The following PML variants were observed in gnomAD, a reference collection of about 807,000 sequenced individuals.
The protein encoded by PML is PML nuclear body scaffold, also known as protein PML.
In PML, 28 loss-of-function variants were observed where a neutral mutation model predicts 65.2. The observed-to-expected ratio is 0.43, with a 90% CI of 0.32 to 0.59. PML has a LOEUF of 0.59. PML is among the 20% of genes least tolerant of loss of function. PML has a pLI of 0.08. For synonymous variants in PML, 500 were observed against 508.8 expected (o/e 0.98, Z 0.23); for missense variants, 1,021 against 1,203.4 (o/e 0.85, Z 2.24).
At chr15:73,996,070 A>G (rs1202488196) in intron 1 of PML, among the ~76,000 whole-genome samples, 2 of 152,210 alleles carry the variant, frequency 1.3e-5, no homozygotes, top group Non-Finnish European at 2.9e-5. Context: ...TATTTTACAA[A>G]ATGTGGTAAA....
intron 2 of PML, among the ~76,000 whole-genome samples, chr15:74,018,613 A>G (rs1234185235): frequency 6.6e-6 from 1 of 152,144 alleles, no homozygotes; most frequent in African/African-American, 2.4e-5. Flanking sequence ...CCTCCCTAGT[A>G]GCTGGGACTA....
chr15:74,002,771 C>G (rs1214228647), intron 2 of PML, among the ~76,000 whole-genome samples: 1 of 152,052 alleles, frequency 6.6e-6, no homozygotes, highest in African/African-American at 2.4e-5. Flanking sequence ...TCTACCTTTC[C>G]TTCCATTCTG....
At chr15:74,026,840 T>C (rs2071099989) in intron 4 of PML, 1 of 152,018 alleles carries the variant, frequency 6.6e-6, no homozygotes, top group Non-Finnish European at 1.5e-5. Flanking sequence ...TTAGGAGAGA[T>C]GGGGTTTTGC....
At chr15:74,036,226 C>T in intron 7 of PML, 6 of 1,543,640 alleles carry the variant, frequency 3.9e-6, no homozygotes, top group East Asian at 4.8e-5. Flanking sequence ...CACCCTTGCA[C>T]TCTCCTGTAT....
intron 2 of PML, among the ~76,000 whole-genome samples, chr15:74,000,564 TCTCAAAGTGCTGGGATTACAGGTGTGAG>T (rs1481493958): frequency 1.3e-5 from 2 of 152,176 alleles, no homozygotes; most frequent in African/African-American, 4.8e-5. Flanking sequence ...TCCCTAGGCC[TCTCAAAGTGCTGGGATTACAGGTGTGAG>T]CCACTGTACC....
Position 74,035,386 on chromosome 15 carries a change from C to G in PML, c.1710+856C>G. 6.2e-7 allele frequency: 1 copy of G among 1,611,968 alleles called. No individual in the cohort carries two copies. On this transcript the variant is annotated intron_variant, in intron 7 of 8. Transcript: ENST00000268058. The surrounding 1 kb of genome is among the most constrained non-coding windows in gnomAD (Gnocchi z 4.1). Reference sequence around the variant, plus strand: ...CCCGATGCTGAGCCTCACAGCGAGCCTCCTGATCACCAGGAGCGCCCTGCC... The same window carrying G: ...CCCGATGCTGAGCCTCACAGCGAGCGTCCTGATCACCAGGAGCGCCCTGCC...
intron 2 of PML, among the ~76,000 whole-genome samples, chr15:74,009,017 C>T (rs2070197232): frequency 6.6e-6 from 1 of 152,024 alleles, no homozygotes; most frequent in Non-Finnish European, 1.5e-5. Flanking sequence ...GTCTTAGGTC[C>T]AGGTGGGGGT....
chr15:74,012,148 GAAAAA>G (rs1184046706), intron 2 of PML, among the ~76,000 whole-genome samples: 1 of 22,566 alleles, frequency 4.4e-5, no homozygotes, highest in African/African-American at 1.3e-4. Flanking sequence ...AAGATTAAGA[GAAAAA>G]AACCCCAAGA....
rs138929389 is a variant in PML, at chr15:74,006,878, G to T, written c.602+8402G>T. Among the ~76,000 whole-genome samples, 35 of 152,248 alleles carry T rather than the reference G, an allele frequency of 2.3e-4. No homozygotes were observed. The East Asian group carries it at 5.0e-3, about 22-fold the overall frequency. The stretch of plus-strand genomic sequence containing the variant: ...GAAGCAAGAGAAGGAGATGCCAGGC[G>T]CCTTTAAATAACCAGCTCTCCCTTG... On this transcript the variant is annotated intron_variant, in intron 2 of 8. Coordinates refer to ENST00000268058, the MANE Select transcript of PML (RefSeq NM_033238.3).
At position 74,045,967 on chromosome 15, in the gene PML, C is replaced by G; in HGVS notation, c.*959C>G. ...GGTGCATGCTCAAGTTTGAGAACCG[C>G]TGCTCTCATAGACTGCTCCTCCAAG... On this transcript the variant is annotated 3_prime_UTR_variant, in exon 9 of 9. Transcript: ENST00000268058. 1 of 232,612 alleles carries G rather than the reference C, an allele frequency of 4.3e-6. No homozygotes were observed. The highest frequency in any genetic ancestry group is 8.5e-6 in the Non-Finnish European group (1 of 117,620). The allele number at this position is 232,612 out of a possible 1,614,324, so 14.4% of individuals were successfully genotyped here. A position where few individuals can be genotyped will look rare whatever the true frequency, so the allele number is the denominator to read the frequency against.
chr15:74,025,214 C>T, intron 4 of PML: 1 of 476,478 alleles, frequency 2.1e-6, no homozygotes, highest in Non-Finnish European at 3.9e-6. Context: ...CAGATCAGGG[C>T]TGCTGCAGAG....
At chr15:74,021,262 A>G (rs2070821387) in intron 2 of PML, among the ~76,000 whole-genome samples, 1 of 152,220 alleles carries the variant, frequency 6.6e-6, no homozygotes, top group Non-Finnish European at 1.5e-5. Flanking sequence ...CTGAGACACA[A>G]TAAATGCTAT....
Position 74,042,963 on chromosome 15 carries a change from T to C in PML, c.1711-26T>C. The C allele has an allele frequency of 6.2e-7, 1 of 1,613,244 alleles. No individual in the cohort carries two copies. The highest frequency in any genetic ancestry group is 8.5e-7 in the Non-Finnish European group (1 of 1,179,924). ...TGCTTGCCTTGGCCCTCTGAATCCCTGACGCTTGGTTTTTCTGTGTTGCAG... is the reference window on the plus strand; with the variant it reads ...TGCTTGCCTTGGCCCTCTGAATCCCCGACGCTTGGTTTTTCTGTGTTGCAG... On this transcript the variant is annotated intron_variant, in intron 7 of 8. Coordinates refer to ENST00000268058, the MANE Select transcript of PML (RefSeq NM_033238.3). This position sits in a 1 kb window ranked among gnomAD's most constrained non-coding sequence, Gnocchi z 5.3.
chr15:74,030,138 C>T (rs2071254679), intron 4 of PML, among the ~76,000 whole-genome samples: 1 of 152,162 alleles, frequency 6.6e-6, no homozygotes, highest in African/African-American at 2.4e-5. Flanking sequence ...TGCCCAGCCC[C>T]AGCTTGCCTG....
In PML at chr15:73,998,364, C is replaced by T; in HGVS notation, c.490C>T (p.Arg164Trp). The T allele has an allele frequency of 1.2e-6, 2 of 1,614,148 alleles. No homozygotes were observed. Among genetic ancestry groups the T allele is most frequent in the Non-Finnish European group, 1.7e-6 (2 of 1,180,008 alleles). Residue 164 changes from arginine to tryptophan, a missense_variant, in exon 2 of 9, where the codon CGG becomes TGG. Physicochemically the swap from Arg to Trp is moderately radical, Grantham distance 101. Transcript: ENST00000268058. The part of the protein sequence containing the change: ...AHQWFLKHEA[R>W]PLAELRNQSV... ...CCAGTGGTTCCTCAAGCACGAGGCC[C>T]GGCCCCTAGCAGAGCTGCGCAACCA...
chr15:74,038,853 G>A (rs1453940182), intron 7 of PML, among the ~76,000 whole-genome samples: 1 of 152,222 alleles, frequency 6.6e-6, no homozygotes, highest in African/African-American at 2.4e-5. Context: ...TAGGGATTCA[G>A]TGAGAGACTG....
At chr15:74,041,398 G>T (rs371256327) in intron 7 of PML, 9 of 152,480 alleles carry the variant, frequency 5.9e-5, no homozygotes, top group African/African-American at 2.2e-4. Flanking sequence ...TTACAGGGAG[G>T]AAACCGAGTT....
chr15:74,017,036 A>T (rs2070622161), intron 2 of PML, among the ~76,000 whole-genome samples: 1 of 151,210 alleles, frequency 6.6e-6, no homozygotes, highest in Non-Finnish European at 1.5e-5. Context: ...TGACCTCGTG[A>T]TCCACCCACC....
Position 74,042,836 on chromosome 15 carries a change from A to T in PML, c.1711-153A>T, listed in dbSNP as rs777805508. On this transcript the variant is annotated intron_variant, in intron 7 of 8. Coordinates refer to ENST00000268058, the MANE Select transcript of PML (RefSeq NM_033238.3). This position sits in a 1 kb window ranked among gnomAD's most constrained non-coding sequence, Gnocchi z 5.3. ...CCAGTTCACACCCATTCATGCACACATACCTTCTCTTGTGCACACGTCCCC... is the reference window on the plus strand; with the variant it reads ...CCAGTTCACACCCATTCATGCACACTTACCTTCTCTTGTGCACACGTCCCC... 2 of 985,044 alleles carry T rather than the reference A, an allele frequency of 2.0e-6. No homozygotes were observed. Among genetic ancestry groups the T allele is most frequent in the Non-Finnish European group, 2.4e-6 (2 of 829,848 alleles). 61.0% of individuals were successfully genotyped at this position (985,044 alleles called of 1,614,324 possible).
Sources: gnomAD v4.1 joint callset for allele counts (sites outside exome capture counted in the v4.1 genomes callset) on GRCh38, gnomAD v4.1.1 for gene constraint, Gnocchi (gnomAD v3.1) non-coding constraint, MANE v1.5 for transcripts, NCBI Gene and HGNC (gene_info 2026-07-23, HGNC 2026-07-21) for gene names.